RGL1: variants seen among roughly 807,000 people sequenced by gnomAD.
RGL1 encodes the protein ral guanine nucleotide dissociation stimulator-like 1.
RGL1 carries 24 observed loss-of-function variants against 95.2 expected under a neutral mutation model. That is an observed-to-expected ratio of 0.25 (90% CI 0.18 to 0.35). The LOEUF (loss-of-function observed/expected upper bound fraction) is 0.35. Ranked by LOEUF, RGL1 falls within the 10% of genes least tolerant of loss-of-function variation. RGL1 has a pLI of 1.00. For missense variants in RGL1, 715 were observed against 936.3 expected (o/e 0.76, Z 3.08); for synonymous variants, 329 against 344.9 (o/e 0.95, Z 0.51).
At chr1:183,802,472 A>G (rs983414723), upstream of RGL1, among the ~76,000 whole-genome samples, 2 of 152,160 alleles carry the variant, frequency 1.3e-5, no homozygotes, top group Admixed American at 1.3e-4. Flanking sequence ...ATTTCTGTCA[A>G]AAATACACTT....
In RGL1 at chr1:183,647,863, C is replaced by T. The variant is rs181674498; in HGVS notation, c.-33+11362C>T. ...TTCCTGGGTTTATTTGGGTTTTGGC[C>T]CATATGCATTGGTGGTAAGTCCCTG... On this transcript the variant is annotated intron_variant, in intron 1 of 18. Transcript: ENST00000304685. The T allele has an allele frequency of 3.6e-5, 58 of 1,614,030 alleles. No homozygotes were observed. In the South Asian group the frequency reaches 4.1e-4, roughly 11 times the overall value.
At chr1:183,892,394 G>A (rs1667476727) in intron 9 of RGL1, among the ~76,000 whole-genome samples, 3 of 152,186 alleles carry the variant, frequency 2.0e-5, no homozygotes, top group Admixed American at 1.3e-4. Context: ...TATGCAAGCA[G>A]ATTGTGAAAC....
intron 2 of RGL1, among the ~76,000 whole-genome samples, chr1:183,766,003 G>T (rs929015798): frequency 6.6e-6 from 1 of 151,840 alleles, no homozygotes; most frequent in African/African-American, 2.4e-5. Flanking sequence ...AATGGGTGCA[G>T]CACACCAACA....
chr1:183,882,052 G>GGGAGA (rs1236692042), intron 5 of RGL1, among the ~76,000 whole-genome samples: 2 of 152,252 alleles, frequency 1.3e-5, no homozygotes, highest in Non-Finnish European at 2.9e-5. Flanking sequence ...GCTGAGGCAG[G>GGGAGA]GGAGAGGGAG....
intron 1 of RGL1, among the ~76,000 whole-genome samples, chr1:183,638,491 C>T (rs2101968108): frequency 6.6e-6 from 1 of 152,168 alleles, no homozygotes; most frequent in African/African-American, 2.4e-5. Context: ...ACATAAATTA[C>T]TTCTCTACCT....
chr1:183,701,506 T>C (rs2102143759), intron 1 of RGL1, among the ~76,000 whole-genome samples: 1 of 152,318 alleles, frequency 6.6e-6, no homozygotes, highest in South Asian at 2.1e-4. Flanking sequence ...TCTCAATCTT[T>C]TGTGCAACCA....
chr1:183,838,764 T>C (rs1663836852), intron 2 of RGL1, among the ~76,000 whole-genome samples: 1 of 152,210 alleles, frequency 6.6e-6, no homozygotes, highest in South Asian at 2.1e-4. Flanking sequence ...GAGAGGGACT[T>C]CTGGGCAGGG....
intron 2 of RGL1, among the ~76,000 whole-genome samples, chr1:183,782,260 C>T (rs573880364): frequency 8.5e-5 from 13 of 152,270 alleles, no homozygotes; most frequent in East Asian, 7.7e-4. Context: ...CACCCAGACA[C>T]GTGGTATTTT....
At chr1:183,820,880 G>A (rs185919438) in intron 2 of RGL1, among the ~76,000 whole-genome samples, 1 of 152,040 alleles carries the variant, frequency 6.6e-6, no homozygotes, top group African/African-American at 2.4e-5. Context: ...CAGCACTTTG[G>A]GATTACATAC....
At chr1:183,921,326 T>TG (rs1469856913) in intron 16 of RGL1, among the ~76,000 whole-genome samples, 1 of 152,248 alleles carries the variant, frequency 6.6e-6, no homozygotes, top group Non-Finnish European at 1.5e-5. Flanking sequence ...TATATATCTA[T>TG]GAAACTACTA....
At chr1:183,792,532 C>A (rs558563723) in intron 2 of RGL1, among the ~76,000 whole-genome samples, 1 of 152,184 alleles carries the variant, frequency 6.6e-6, no homozygotes, top group South Asian at 2.1e-4. Flanking sequence ...AAGTCAGATT[C>A]TCCCTCTTTG....
At chr1:183,841,611 C>T (rs536320532) in intron 2 of RGL1, among the ~76,000 whole-genome samples, 1 of 152,310 alleles carries the variant, frequency 6.6e-6, no homozygotes, top group East Asian at 1.9e-4. Flanking sequence ...CTAGACTTTA[C>T]CTTAACATCT....
chr1:183,714,405 A>G (rs1372071854), intron 1 of RGL1, among the ~76,000 whole-genome samples: 1 of 152,218 alleles, frequency 6.6e-6, no homozygotes, highest in Non-Finnish European at 1.5e-5. Context: ...TATTCCATCT[A>G]TTCTAGCTTT....
chr1:183,898,079 C>A (rs1227737263), intron 10 of RGL1, among the ~76,000 whole-genome samples, 182 bp downstream of exon 10: 3 of 152,146 alleles, frequency 2.0e-5, no homozygotes, highest in Non-Finnish European at 4.4e-5. Context: ...GAGATGATTA[C>A]CCTCATTCAA....
chr1:183,671,490 C>A (rs1237203936), intron 1 of RGL1, among the ~76,000 whole-genome samples: 1 of 152,172 alleles, frequency 6.6e-6, no homozygotes, highest in Non-Finnish European at 1.5e-5. Flanking sequence ...TCCTTGCCAA[C>A]ACTTGGTATT....
chr1:183,775,403 TGA>T (rs1212024355), intron 2 of RGL1, among the ~76,000 whole-genome samples: 9 of 152,250 alleles, frequency 5.9e-5, no homozygotes, highest in Admixed American at 1.3e-4. Flanking sequence ...TGCACACTTA[TGA>T]GATAGTAGCA....
At chr1:183,711,201 T>C (rs2102174772) in intron 1 of RGL1, among the ~76,000 whole-genome samples, 1 of 152,294 alleles carries the variant, frequency 6.6e-6, no homozygotes, top group East Asian at 1.9e-4. Flanking sequence ...ATGCAAAGGG[T>C]AGCCTGCTGC....
At chr1:183,861,509 C>T (rs994466727) in intron 3 of RGL1, among the ~76,000 whole-genome samples, 4 of 152,214 alleles carry the variant, frequency 2.6e-5, no homozygotes, top group African/African-American at 9.6e-5. Flanking sequence ...AAACATTGTA[C>T]TGGTTTTTTC....
chr1:183,905,928 A>G (rs1232262860), intron 13 of RGL1, among the ~76,000 whole-genome samples: 1 of 152,198 alleles, frequency 6.6e-6, no homozygotes, highest in Non-Finnish European at 1.5e-5. Context: ...CATCTCATCT[A>G]TGGTTGCTTT....
Sources: gnomAD v4.1 joint callset for allele counts (sites outside exome capture counted in the v4.1 genomes callset) on GRCh38, gnomAD v4.1.1 for gene constraint, MANE v1.5 for transcripts, NCBI Gene and HGNC (gene_info 2026-07-23, HGNC 2026-07-21) for gene names.